TAF7L: variants seen among roughly 807,000 people sequenced by gnomAD.
The protein encoded by TAF7L is transcription initiation factor TFIID subunit 7-like.
A neutral mutation model predicts 30.2 loss-of-function variants in TAF7L; 6 were observed. The observed-to-expected ratio is 0.20, with a 90% CI of 0.11 to 0.39. TAF7L has a LOEUF of 0.39. Among genes scored for constraint, TAF7L ranks in the 10% least tolerant of loss-of-function variants. TAF7L has a pLI of 1.00. For missense variants in TAF7L, 284 were observed against 277.1 expected (o/e 1.03, Z -0.18); for synonymous variants, 93 against 94.5 (o/e 0.98, Z 0.09).
Position 101,269,091 on chromosome X carries a change from T to C in TAF7L, c.*102A>G. ...AGAAGGTACAGATAAATATAACTGATTCAACATAAGGCAACTGAAGGGACA... is the reference window on the plus strand; with the variant it reads ...AGAAGGTACAGATAAATATAACTGACTCAACATAAGGCAACTGAAGGGACA... On this transcript the variant is annotated 3_prime_UTR_variant, in exon 13 of 13. Transcript: ENST00000356784. 1 of 695,148 alleles carries C rather than the reference T, an allele frequency of 1.4e-6. No homozygotes were observed. The highest frequency in any genetic ancestry group is 2.2e-6 in the Non-Finnish European group (1 of 451,294). The allele number at this position is 695,148 out of a possible 1,213,427, so 57.3% of individuals were successfully genotyped here.
At chrX:101,270,428 G>C (rs763100029) in intron 12 of TAF7L, among the ~76,000 whole-genome samples, 4 of 110,826 alleles carry the variant, frequency 3.6e-5, no homozygotes, top group African/African-American at 9.9e-5. Flanking sequence ...GACTGATCCA[G>C]TTCTTTCTCC....
chrX:101,275,268 G>A lies in TAF7L; in HGVS notation c.1040C>T (p.Ser347Phe). The A allele has an allele frequency of 8.6e-7, 1 of 1,156,819 alleles. No homozygotes were observed. ...CTGTAACTCAAGCTGCTCCAGCACA[G>A]ACTGAAAATGATTCTGAAAAATAAA... ...ENLTLKNHFQ[S>F]VLEQLELQEK... is the part of the protein sequence containing the mutation. Residue 347 changes from serine (S) to phenylalanine (F), a missense_variant, in exon 12 of 13, where the codon TCT (serine) becomes TTT (phenylalanine). Ser to Phe is a radical substitution (Grantham distance 155). Transcript: ENST00000356784.
chrX:101,278,405 C>T (rs1188055853), intron 7 of TAF7L, among the ~76,000 whole-genome samples: 1 of 112,251 alleles, frequency 8.9e-6, no homozygotes, highest in Admixed American at 9.5e-5. Flanking sequence ...CTCAGAGGTG[C>T]AACCCTTAGG....
intron 9 of TAF7L, among the ~76,000 whole-genome samples, chrX:101,277,284 C>A (rs1217160974): frequency 9.7e-6 from 1 of 103,312 alleles, no homozygotes; most frequent in African/African-American, 3.6e-5. Context: ...CATGGTGAAA[C>A]CCCGACGCTA....
intron 12 of TAF7L, among the ~76,000 whole-genome samples, chrX:101,271,634 C>T (rs1471413754): frequency 9.0e-6 from 1 of 111,699 alleles, no homozygotes; most frequent in Admixed American, 9.5e-5. Context: ...AGGCCTAGGA[C>T]ATTACTATGC....
intron 12 of TAF7L, among the ~76,000 whole-genome samples, chrX:101,272,814 A>T (rs990705226): frequency 1.3e-4 from 14 of 111,028 alleles, no homozygotes; most frequent in African/African-American, 4.6e-4. Context: ...AGGCAGTCTC[A>T]CTCTGTCACC....
At chrX:101,287,438 A>G in intron 2 of TAF7L, 40 bp downstream of exon 2, 1 of 979,358 alleles carries the variant, frequency 1.0e-6, no homozygotes, top group Middle Eastern at 3.0e-4. Flanking sequence ...TAATTAAACT[A>G]TAATTATGAA....
At chrX:101,281,539 T>C (rs1027025783) in intron 6 of TAF7L, among the ~76,000 whole-genome samples, 181 bp downstream of exon 6, 1 of 112,001 alleles carries the variant, frequency 8.9e-6, no homozygotes, top group Non-Finnish European at 1.9e-5. Context: ...GGTCTTTTTA[T>C]TCACTGCTAT....
upstream of TAF7L, among the ~76,000 whole-genome samples, chrX:101,291,736 C>T (rs372152277): frequency 5.9e-4 from 64 of 108,765 alleles, 1 homozygote; most frequent in African/African-American, 1.9e-3. Context: ...CGTGGTTGCG[C>T]GCGCCTGTAG....
Position 101,276,117 on chromosome X carries a change from T to C in TAF7L, c.914-5A>G, listed in dbSNP as rs1404978963. 1.6e-5 allele frequency: 19 copies of C among 1,169,208 alleles called. No individual in the cohort carries two copies. Among genetic ancestry groups the C allele is most frequent in the South Asian group, 1.1e-4 (6 of 52,298 alleles). Reference sequence around the variant, plus strand: ...TCTGCTTCTGAATTTCCATGACTAATAGAGAAACATAGAACTTTATATATT... The same window carrying C: ...TCTGCTTCTGAATTTCCATGACTAACAGAGAAACATAGAACTTTATATATT... On this transcript the variant is annotated splice_polypyrimidine_tract_variant and splice_region_variant and intron_variant, in intron 10 of 12. Transcript: ENST00000356784.
At chrX:101,279,071 G>T in intron 6 of TAF7L, 36 bp from the exon 7 acceptor site, 1 of 1,092,409 alleles carries the variant, frequency 9.2e-7, no homozygotes, top group Non-Finnish European at 1.3e-6. Context: ...GTTATATTAT[G>T]ATACCTATAT....
At chrX:101,275,956 G>A in intron 11 of TAF7L, 44 bp downstream of exon 11, 6 of 971,030 alleles carry the variant, frequency 6.2e-6, no homozygotes, top group Non-Finnish European at 8.6e-6. Flanking sequence ...GCAAGATACT[G>A]AAAGTAAGAT....
intron 4 of TAF7L, among the ~76,000 whole-genome samples, chrX:101,283,122 A>G (rs1423723014): frequency 8.9e-6 from 1 of 112,096 alleles, no homozygotes; most frequent in East Asian, 2.8e-4. Context: ...GATGAATAAG[A>G]ACCAATTTAA....
chrX:101,281,802 G>A (rs778007902), intron 5 of TAF7L, 27 bp from the exon 6 acceptor site: 6 of 1,158,286 alleles, frequency 5.2e-6, no homozygotes, highest in Non-Finnish European at 5.9e-6. Flanking sequence ...ACAGTGAAAC[G>A]TTATATGACT....
At chrX:101,275,008 C>T (rs1231205291) in intron 12 of TAF7L, among the ~76,000 whole-genome samples, 1 of 111,680 alleles carries the variant, frequency 9.0e-6, no homozygotes, top group African/African-American at 3.3e-5. Flanking sequence ...TCTTATTCAA[C>T]ACCGTACATC....
At chrX:101,284,095 T>C (rs952009476) in intron 3 of TAF7L, among the ~76,000 whole-genome samples, 3 of 111,653 alleles carry the variant, frequency 2.7e-5, no homozygotes, top group Non-Finnish European at 5.6e-5. Context: ...GCTGCTCAGA[T>C]GTCCCAAACA....
intron 7 of TAF7L, 39 bp from the exon 8 acceptor site, chrX:101,278,160 T>C: frequency 9.3e-7 from 1 of 1,076,525 alleles, no homozygotes; most frequent in Non-Finnish European, 1.3e-6. Context: ...ATACCAATAC[T>C]GTCATTTAAC....
chrX:101,271,496 G>GTTAAAC (rs1569510890), intron 12 of TAF7L, among the ~76,000 whole-genome samples: 5 of 111,113 alleles, frequency 4.5e-5, no homozygotes, highest in Non-Finnish European at 9.4e-5. Context: ...ACATAGAAAA[G>GTTAAAC]GTAAACTAAA....
chrX:101,275,513 G>A (rs774384592), intron 11 of TAF7L, among the ~76,000 whole-genome samples: 52 of 110,386 alleles, frequency 4.7e-4, no homozygotes, highest in Non-Finnish European at 7.6e-4. Flanking sequence ...GATTACAGGA[G>A]CATGCCACCA....
Sources: allele counts gnomAD v4.1 joint callset (sites outside exome capture counted in the v4.1 genomes callset), GRCh38; gene constraint gnomAD v4.1.1; transcripts MANE v1.5; gene names NCBI Gene and HGNC (gene_info 2026-07-23, HGNC 2026-07-21).